PODXL: variants seen among roughly 807,000 people sequenced by gnomAD.
The protein encoded by PODXL is podocalyxin.
Under a neutral mutation model 48.9 loss-of-function variants are expected in PODXL, and 20 were observed. That is an observed-to-expected ratio of 0.41 (90% CI 0.29 to 0.59). The LOEUF is 0.59. PODXL is among the 20% of genes least tolerant of loss of function. PODXL has a pLI of 0.31. For missense variants in PODXL, 606 were observed against 675.1 expected (o/e 0.90, Z 1.13); for synonymous variants, 295 against 287.4 (o/e 1.03, Z -0.27).
At chr7:131,535,489 G>A (rs559675792) in intron 1 of PODXL, among the ~76,000 whole-genome samples, 103 of 152,290 alleles carry the variant, frequency 6.8e-4, no homozygotes, top group African/African-American at 2.2e-3. Flanking sequence ...CCTCTCGTGT[G>A]TGGAATCACT....
Position 131,524,409 on chromosome 7 carries a change from A to AGAGAGAG in PODXL, c.101-12977_101-12976insCTCTCTC, listed in dbSNP as rs760491817. 2.5e-3 allele frequency among the ~76,000 whole-genome samples: 180 copies of AGAGAGAG among 72,214 alleles called. 2 individuals carry two copies. Among genetic ancestry groups the AGAGAGAG allele is most frequent in the Non-Finnish European group, 4.4e-3 (111 of 25,384 alleles). 47.4% of individuals were successfully genotyped at this position (72,214 alleles called of 152,430 possible). A position where few individuals can be genotyped will look rare whatever the true frequency, so the allele number is the denominator to read the frequency against. ...AGAGAGAGAGAGAGAGAGAGAGAGAAAACAACAAGGAAAACTCAACAATAA... is the reference window on the plus strand; with the variant it reads ...AGAGAGAGAGAGAGAGAGAGAGAGAAGAGAGAGAACAACAAGGAAAACTCAACAATAA... On this transcript the variant is annotated intron_variant, in intron 1 of 8. Coordinates refer to ENST00000378555, the MANE Select transcript of PODXL (RefSeq NM_001018111.3).
chr7:131,544,986 G>T (rs571915598), intron 1 of PODXL, among the ~76,000 whole-genome samples: 2 of 152,278 alleles, frequency 1.3e-5, no homozygotes, highest in African/African-American at 2.4e-5. Flanking sequence ...AGCTCCTGGG[G>T]CAGGATGACA....
chr7:131,534,035 G>T (rs1437099403), intron 1 of PODXL, among the ~76,000 whole-genome samples: 2 of 140,380 alleles, frequency 1.4e-5, no homozygotes, highest in Non-Finnish European at 3.2e-5. Flanking sequence ...AGCTGTGCAG[G>T]GGGGAAGGAA....
intron 6 of PODXL, 54 bp from the exon 7 acceptor site, chr7:131,506,375 G>GC: frequency 6.3e-7 from 1 of 1,580,116 alleles, no homozygotes; most frequent in Non-Finnish European, 8.7e-7. Context: ...AGGCAGTGGG[G>GC]GACGGGGACT....
intron 1 of PODXL, among the ~76,000 whole-genome samples, chr7:131,548,272 C>T (rs760600064): frequency 1.6e-4 from 25 of 152,246 alleles, no homozygotes; most frequent in Non-Finnish European, 2.9e-4. Context: ...TTTGCAGGGA[C>T]CAGTTCTGCA....
In PODXL at chr7:131,504,451, G is replaced by A; in HGVS notation, c.1537C>T (p.Leu513=). 1.2e-6 allele frequency: 2 copies of A among 1,614,200 alleles called. No homozygotes were observed. The highest frequency in any genetic ancestry group is 1.7e-6 in the Non-Finnish European group (2 of 1,180,018). ...VENGYHDNPT[L]EVMETSSEMQ... The stretch of plus-strand genomic sequence containing the variant: ...TCAGAAGAGGTCTCCATCACTTCCA[G>A]TGTTGGGTTGTCATGGTAACCATTC... The change falls in exon 9 of 9, where the codon CTG becomes TTG. Residue 513 remains leucine (L), a synonymous_variant. Transcript: ENST00000378555.
chr7:131,538,467 C>T (rs1798420422), intron 1 of PODXL, among the ~76,000 whole-genome samples: 1 of 152,152 alleles, frequency 6.6e-6, no homozygotes, highest in Admixed American at 6.5e-5. Flanking sequence ...GAGTTGGTGA[C>T]ACTGCATCCT....
intron 1 of PODXL, among the ~76,000 whole-genome samples, chr7:131,548,765 C>T (rs1380007344): frequency 6.6e-6 from 1 of 152,216 alleles, no homozygotes; most frequent in East Asian, 1.9e-4. Context: ...GGGGACAGCA[C>T]AGGAGACATG....
At chr7:131,552,224 A>T (rs1194802524) in intron 1 of PODXL, among the ~76,000 whole-genome samples, 1 of 152,168 alleles carries the variant, frequency 6.6e-6, no homozygotes, top group African/African-American at 2.4e-5. Flanking sequence ...TGGGCCCTGG[A>T]GGTGGTGATA....
chr7:131,515,123 A>C (rs948610165), intron 1 of PODXL, among the ~76,000 whole-genome samples: 3 of 152,162 alleles, frequency 2.0e-5, no homozygotes, highest in Non-Finnish European at 4.4e-5. Flanking sequence ...ATGTCTCCAG[A>C]TATTGCCAAA....
At chr7:131,514,446 A>C (rs1294970455) in intron 1 of PODXL, among the ~76,000 whole-genome samples, 1 of 151,922 alleles carries the variant, frequency 6.6e-6, no homozygotes. Context: ...GGAACAGTGC[A>C]ATGTGAGGGT....
intron 8 of PODXL, among the ~76,000 whole-genome samples, chr7:131,504,947 C>T (rs571857026): frequency 3.3e-5 from 5 of 152,310 alleles, no homozygotes; most frequent in African/African-American, 7.2e-5. Flanking sequence ...ATCATCCCTG[C>T]GGCAGACAGC....
At chr7:131,533,797 T>G (rs1562913616) in intron 1 of PODXL, among the ~76,000 whole-genome samples, 1 of 152,186 alleles carries the variant, frequency 6.6e-6, no homozygotes, top group Non-Finnish European at 1.5e-5. Flanking sequence ...GCTAAGAGCA[T>G]GTACCAGGGA....
chr7:131,528,439 A>C (rs981629744), intron 1 of PODXL, among the ~76,000 whole-genome samples: 4 of 152,226 alleles, frequency 2.6e-5, no homozygotes, highest in Non-Finnish European at 4.4e-5. Context: ...ATCTTCAGCA[A>C]GCGTCAGAAT....
At position 131,556,330 on chromosome 7, in the gene PODXL, C is replaced by T. The variant is rs116656523; in HGVS notation, c.30G>A (p.Leu10=). Residue 10 remains leucine (L), a synonymous_variant, in exon 1 of 9, where the codon CTG becomes CTA. Transcript: ENST00000378555. ...GCGGCGGCGTTGACAACAGTAGCAGCAGCGCCGAGAGCGCCAGCGCGCAGC... is the reference window on the plus strand; with the variant it reads ...GCGGCGGCGTTGACAACAGTAGCAGTAGCGCCGAGAGCGCCAGCGCGCAGC... MRCALALSA[L]LLLLSTPPLL... is the part of the protein sequence containing the mutation. 2,376 of 1,479,208 alleles carry T rather than the reference C, an allele frequency of 1.6e-3. 31 individuals are homozygous for T. In the African/African-American group the frequency reaches 0.032, roughly 20 times the overall value. The allele number at this position is 1,479,208 out of a possible 1,614,324, so 91.6% of individuals were successfully genotyped here. A position where few individuals can be genotyped will look rare whatever the true frequency, so the allele number is the denominator to read the frequency against.
intron 1 of PODXL, among the ~76,000 whole-genome samples, chr7:131,555,738 G>GA (rs1289555464): frequency 6.6e-6 from 1 of 152,286 alleles, no homozygotes; most frequent in Non-Finnish European, 1.5e-5. Context: ...ACATTACTTA[G>GA]AAAAAACCTC....
At chr7:131,550,657 A>G (rs1798653743) in intron 1 of PODXL, among the ~76,000 whole-genome samples, 2 of 152,164 alleles carry the variant, frequency 1.3e-5, no homozygotes, top group East Asian at 3.9e-4. Context: ...AAGTAAAATA[A>G]AAAAATATAT....
intron 1 of PODXL, among the ~76,000 whole-genome samples, chr7:131,521,888 G>A (rs1469882360): frequency 6.6e-6 from 1 of 152,212 alleles, no homozygotes; most frequent in Non-Finnish European, 1.5e-5. Context: ...CCTTTCAGGT[G>A]GAGGTCAGTA....
intron 1 of PODXL, among the ~76,000 whole-genome samples, chr7:131,512,908 C>T (rs112350050): frequency 0.06 from 9,043 of 149,674 alleles, 368 homozygotes; most frequent in Non-Finnish European, 0.085. Flanking sequence ...GGCAGGAGAA[C>T]GGCTTGAACC....
Sources: gnomAD v4.1 joint callset for allele counts (sites outside exome capture counted in the v4.1 genomes callset) on GRCh38, gnomAD v4.1.1 for gene constraint, MANE v1.5 for transcripts, NCBI Gene and HGNC (gene_info 2026-07-23, HGNC 2026-07-21) for gene names.